SDK1: variants seen among roughly 807,000 people sequenced by gnomAD.
SDK1 encodes the protein sidekick cell adhesion molecule 1.
SDK1 carries 157 observed loss-of-function variants against 245.5 expected under a neutral mutation model. The observed-to-expected ratio is 0.64, with a 90% CI of 0.56 to 0.73. The LOEUF (loss-of-function observed/expected upper bound fraction) is 0.73, where lower values mean the gene tolerates loss of function less well. Ranked by LOEUF, SDK1 falls within the 30% of genes least tolerant of loss-of-function variation. SDK1 has a pLI of 0.00. For missense variants in SDK1, 3,583 were observed against 3,002.3 expected, an observed-to-expected ratio of 1.19 and a Z score of -4.52; for synonymous variants, 1,647 against 1,278.5, an observed-to-expected ratio of 1.29 and a Z score of -6.15.
At chr7:3,947,005 A>C (rs545836378) in intron 5 of SDK1, among the ~76,000 whole-genome samples, 1 of 152,360 alleles carries the variant, frequency 6.6e-6, no homozygotes, top group South Asian at 2.1e-4. Flanking sequence ...TGATTTGCCA[A>C]TTTTAGACGT....
At chr7:3,486,143 T>C (rs1781687552) in intron 1 of SDK1, among the ~76,000 whole-genome samples, 1 of 152,098 alleles carries the variant, frequency 6.6e-6, no homozygotes, top group South Asian at 2.1e-4. Flanking sequence ...TTATTTGGTC[T>C]TTTGTTTTCT....
At chr7:4,205,277 A>T (rs1475323167) in intron 35 of SDK1, among the ~76,000 whole-genome samples, 1 of 152,168 alleles carries the variant, frequency 6.6e-6, no homozygotes, top group Non-Finnish European at 1.5e-5. Flanking sequence ...CTTCATAGCC[A>T]GGGATGCCTG....
chr7:3,555,802 A>C (rs1193482909), intron 1 of SDK1, among the ~76,000 whole-genome samples: 2 of 152,208 alleles, frequency 1.3e-5, no homozygotes, highest in Non-Finnish European at 2.9e-5. Flanking sequence ...TACAAATGGC[A>C]AACAGGTGTA....
chr7:3,882,637 C>T (rs1209041016), intron 5 of SDK1, among the ~76,000 whole-genome samples: 1 of 152,136 alleles, frequency 6.6e-6, no homozygotes, highest in African/African-American at 2.4e-5. Context: ...ATGTAAATAG[C>T]ATTGTTGGAG....
At chr7:3,661,925 G>T (rs1327649288) in intron 4 of SDK1, among the ~76,000 whole-genome samples, 1 of 152,088 alleles carries the variant, frequency 6.6e-6, no homozygotes, top group Non-Finnish European at 1.5e-5. Flanking sequence ...ACTCTAGAGG[G>T]CTTAGACTAC....
At chr7:4,098,320 C>T (rs537185400) in intron 22 of SDK1, among the ~76,000 whole-genome samples, 6 of 152,286 alleles carry the variant, frequency 3.9e-5, no homozygotes, top group Non-Finnish European at 7.3e-5. Context: ...ATATATAAAT[C>T]ACAACCGTCA....
intron 44 of SDK1, among the ~76,000 whole-genome samples, chr7:4,262,303 G>A (rs13222676): frequency 0.28 from 41,925 of 151,252 alleles, 5,947 homozygotes; most frequent in Non-Finnish European, 0.3. Flanking sequence ...TGATCCGCTC[G>A]CCTCAGCCAC....
chr7:3,831,097 A>C (rs1045474892), intron 5 of SDK1, among the ~76,000 whole-genome samples: 1 of 152,204 alleles, frequency 6.6e-6, no homozygotes, highest in African/African-American at 2.4e-5. Context: ...GGGATGGAAA[A>C]TTGAATTTTT....
chr7:3,959,509 G>A (rs1355144170), intron 8 of SDK1, among the ~76,000 whole-genome samples: 1 of 152,222 alleles, frequency 6.6e-6, no homozygotes, highest in Non-Finnish European at 1.5e-5. Flanking sequence ...AGCCAAAGCT[G>A]GGAGTGCGTC....
intron 5 of SDK1, among the ~76,000 whole-genome samples, chr7:3,861,762 G>A (rs1023992794): frequency 2.0e-5 from 3 of 152,032 alleles, no homozygotes; most frequent in African/African-American, 7.3e-5. Flanking sequence ...ACTTCACATG[G>A]CTTGTGGACT....
rs9886335 is a variant in SDK1 at position 3,924,142 on chromosome 7, C to T, written c.848-26781C>T. ...AGGGAGATTTACAGAGTAAAGGGGACGCTGTTGTAACCATCCAGGTGGGGA... is the reference window on the plus strand; with the variant it reads ...AGGGAGATTTACAGAGTAAAGGGGATGCTGTTGTAACCATCCAGGTGGGGA... On this transcript the variant is annotated intron_variant, in intron 5 of 44. Coordinates refer to ENST00000404826, the MANE Select transcript of SDK1 (RefSeq NM_152744.4). 4.9e-3 allele frequency among the ~76,000 whole-genome samples: 744 copies of T among 150,330 alleles called. 8 individuals carry two copies. The highest frequency in any genetic ancestry group is 0.017 in the African/African-American group (706 of 40,758).
intron 4 of SDK1, among the ~76,000 whole-genome samples, chr7:3,780,315 A>G (rs978296903): frequency 2.6e-5 from 4 of 152,198 alleles, no homozygotes; most frequent in South Asian, 4.1e-4. Context: ...ATGCTTCACA[A>G]GAAGCCCACT....
At chr7:3,312,270 T>C (rs1425141280) in intron 1 of SDK1, among the ~76,000 whole-genome samples, 1 of 152,180 alleles carries the variant, frequency 6.6e-6, no homozygotes, top group Non-Finnish European at 1.5e-5. Context: ...GAAACTGACC[T>C]GCAGAGCAAA....
intron 4 of SDK1, among the ~76,000 whole-genome samples, chr7:3,679,165 G>C (rs182695486): frequency 6.6e-6 from 1 of 152,156 alleles, no homozygotes; most frequent in Non-Finnish European, 1.5e-5. Flanking sequence ...GAAAAAACAG[G>C]CTGCAAACTA....
At chr7:3,657,701 A>G (rs1374977645) in intron 4 of SDK1, among the ~76,000 whole-genome samples, 2 of 152,182 alleles carry the variant, frequency 1.3e-5, no homozygotes, top group African/African-American at 4.8e-5. Flanking sequence ...TCCTGGAGGC[A>G]GGGCCAGGCA....
In SDK1 at chr7:3,840,218, T is replaced by C. The variant is rs76447959; in HGVS notation, c.847+18635T>C. Among the ~76,000 whole-genome samples, 950 of 152,208 alleles carry C rather than the reference T, an allele frequency of 6.2e-3. 12 individuals are homozygous for C. The highest frequency in any genetic ancestry group is 0.021 in the African/African-American group (880 of 41,520). Reference sequence around the variant, plus strand: ...AGTGAAAGTGGTAATAAGAGGCATATGCGTAATTTTAAACCAAAAGTTGAA... The same window carrying C: ...AGTGAAAGTGGTAATAAGAGGCATACGCGTAATTTTAAACCAAAAGTTGAA... On this transcript the variant is annotated intron_variant, in intron 5 of 44. Transcript: ENST00000404826.
rs114592749 is a variant in SDK1, at chr7:3,348,192, C to G, written c.298+46308C>G. On this transcript the variant is annotated intron_variant, in intron 1 of 44. Transcript: ENST00000404826. ...TTTAATGCATAGCCCAGGCTTACTG[C>G]TTGGGTTTGATTCTTGGCTTCACTA... Among the ~76,000 whole-genome samples the G allele has an allele frequency of 5.8e-3, 888 of 152,242 alleles. 10 individuals are homozygous for G. Among genetic ancestry groups the G allele is most frequent in the African/African-American group, 0.02 (823 of 41,528 alleles).
intron 1 of SDK1, among the ~76,000 whole-genome samples, chr7:3,455,690 T>G (rs1031597461): frequency 3.3e-5 from 5 of 152,210 alleles, no homozygotes; most frequent in African/African-American, 1.2e-4. Flanking sequence ...AGCTATATGG[T>G]AGGCCTTAGT....
intron 1 of SDK1, among the ~76,000 whole-genome samples, chr7:3,517,808 A>T (rs1782801053): frequency 6.6e-6 from 1 of 152,126 alleles, no homozygotes. Flanking sequence ...CTAGGTCATC[A>T]TTACATAAGA....
Sources: allele counts gnomAD v4.1 joint callset (sites outside exome capture counted in the v4.1 genomes callset), GRCh38; gene constraint gnomAD v4.1.1; transcripts MANE v1.5; gene names NCBI Gene and HGNC (gene_info 2026-07-23, HGNC 2026-07-21).